Variants in GALNT13 observed in about 807,000 individuals in gnomAD.
The protein encoded by GALNT13 is polypeptide N-acetylgalactosaminyltransferase 13, also known as UDP-GalNAc:polypeptide N-acetylgalactosaminyltransferase 13.
In GALNT13, 28 loss-of-function variants were observed where a neutral mutation model predicts 64.2. That is an observed-to-expected ratio of 0.44 (90% CI 0.32 to 0.60). The LOEUF is 0.60. Ranked by LOEUF, GALNT13 falls within the 20% of genes least tolerant of loss-of-function variation. The probability of loss-of-function intolerance (pLI) is 0.05; values close to 1 mark genes in which losing one functional copy is unlikely to be tolerated. For synonymous variants in GALNT13, 214 were observed against 224.6 expected, an observed-to-expected ratio of 0.95 and a Z score of 0.42; for missense variants, 577 against 669.8, an observed-to-expected ratio of 0.86 and a Z score of 1.53.
the GALNT13 span, among the ~76,000 whole-genome samples, chr2:153,372,770 G>T: frequency 6.6e-6 from 1 of 152,108 alleles, no homozygotes; most frequent in Non-Finnish European, 1.5e-5. Context: ...GGAAGTAAAT[G>T]TTGCCTCTAT....
At chr2:153,594,425 C>G in the GALNT13 span, among the ~76,000 whole-genome samples, 45 of 152,232 alleles carry the variant, frequency 3.0e-4, no homozygotes, top group Non-Finnish European at 6.0e-4. Context: ...ACGATACTAT[C>G]TTCTGAGTTT....
chr2:153,864,529 G>T, the GALNT13 span, among the ~76,000 whole-genome samples: 16 of 152,104 alleles, frequency 1.1e-4, no homozygotes, highest in African/African-American at 3.9e-4. Flanking sequence ...CTGAGACTTT[G>T]CTGAAGTTGC....
chr2:154,192,530 A>T (rs1686652466), intron 4 of GALNT13, among the ~76,000 whole-genome samples: 1 of 152,088 alleles, frequency 6.6e-6, no homozygotes, highest in African/African-American at 2.4e-5. Flanking sequence ...ATATATATAT[A>T]TTTAACAGCA....
chr2:153,616,032 C>T, the GALNT13 span, among the ~76,000 whole-genome samples: 1 of 151,906 alleles, frequency 6.6e-6, no homozygotes. Flanking sequence ...GGAGATATTC[C>T]CCAGGGTTTT....
At chr2:153,855,412 C>A in the GALNT13 span, among the ~76,000 whole-genome samples, 7 of 152,136 alleles carry the variant, frequency 4.6e-5, no homozygotes, top group African/African-American at 1.7e-4. Flanking sequence ...AAAACAACAA[C>A]AAAAATGGGC....
the GALNT13 span, among the ~76,000 whole-genome samples, chr2:153,557,824 A>T: frequency 8.5e-5 from 13 of 152,202 alleles, no homozygotes; most frequent in Admixed American, 7.2e-4. Context: ...TGGTCTTTGT[A>T]CTTATAACCT....
At chr2:154,233,523 G>C (rs1201502532) in intron 4 of GALNT13, among the ~76,000 whole-genome samples, 1 of 152,154 alleles carries the variant, frequency 6.6e-6, no homozygotes, top group Non-Finnish European at 1.5e-5. Flanking sequence ...AAATGAAGTT[G>C]TTTATGACTT....
chr2:153,631,414 T>C, the GALNT13 span, among the ~76,000 whole-genome samples: 1 of 152,216 alleles, frequency 6.6e-6, no homozygotes, highest in South Asian at 2.1e-4. Context: ...TGAACTAGTT[T>C]ACAGTCCTAT....
At chr2:153,998,045 G>T (rs1695639705) in intron 3 of GALNT13, among the ~76,000 whole-genome samples, 1 of 152,228 alleles carries the variant, frequency 6.6e-6, no homozygotes, top group Admixed American at 6.5e-5. Flanking sequence ...GTCTATCATT[G>T]ATGGGCATTT....
intron 3 of GALNT13, among the ~76,000 whole-genome samples, chr2:153,953,202 A>T (rs1268681503): frequency 1.3e-5 from 2 of 152,174 alleles, no homozygotes; most frequent in African/African-American, 2.4e-5. Context: ...TCTTTGTCTT[A>T]TTCTGAACCT....
the GALNT13 span, among the ~76,000 whole-genome samples, chr2:153,336,559 T>C: frequency 1.1e-4 from 17 of 152,184 alleles, no homozygotes; most frequent in Admixed American, 2.0e-4. Flanking sequence ...CATTTGGAAC[T>C]TCTGTATTTA....
intron 3 of GALNT13, among the ~76,000 whole-genome samples, chr2:154,060,330 G>C (rs1700109933): frequency 6.6e-6 from 1 of 152,100 alleles, no homozygotes; most frequent in South Asian, 2.1e-4. Flanking sequence ...GGTACCTGGA[G>C]ATAGAGTTAT....
chr2:153,991,403 T>A (rs1453053795), intron 3 of GALNT13, among the ~76,000 whole-genome samples: 3 of 151,972 alleles, frequency 2.0e-5, no homozygotes, highest in African/African-American at 4.8e-5. Flanking sequence ...TATTATGAGA[T>A]GTGAGGCTGC....
intron 5 of GALNT13, 151 bp from the exon 6 acceptor site, chr2:154,242,547 T>C: frequency 3.3e-6 from 2 of 602,880 alleles, no homozygotes; most frequent in Middle Eastern, 4.4e-4. Flanking sequence ...AATTAACTAA[T>C]GAAATCTCTA....
chr2:153,547,466 G>A, the GALNT13 span, among the ~76,000 whole-genome samples: 3 of 152,184 alleles, frequency 2.0e-5, no homozygotes, highest in African/African-American at 7.2e-5. Context: ...TGAGAAATTG[G>A]AAGAGAAATC....
chr2:153,529,378 C>A, the GALNT13 span, among the ~76,000 whole-genome samples: 8 of 151,432 alleles, frequency 5.3e-5, no homozygotes, highest in Admixed American at 6.6e-5. Flanking sequence ...ATTAAAAACC[C>A]AAACAGGCCA....
chr2:153,218,876 G>C, the GALNT13 span, among the ~76,000 whole-genome samples: 6 of 152,162 alleles, frequency 3.9e-5, no homozygotes, highest in East Asian at 1.2e-3. Context: ...TTTTGGACTA[G>C]TTGGTTGACT....
chr2:153,471,523 G>A, the GALNT13 span, among the ~76,000 whole-genome samples: 1 of 151,982 alleles, frequency 6.6e-6, no homozygotes, highest in Admixed American at 6.6e-5. Context: ...CTTTTATTAA[G>A]CCCTCTAAAT....
At chr2:154,304,761 T>C (rs1346196931) in intron 9 of GALNT13, among the ~76,000 whole-genome samples, 1 of 152,212 alleles carries the variant, frequency 6.6e-6, no homozygotes, top group Non-Finnish European at 1.5e-5. Context: ...TTACAATAAA[T>C]AATATTTGGG....
Sources: allele counts gnomAD v4.1 joint callset (sites outside exome capture counted in the v4.1 genomes callset), GRCh38; gene constraint gnomAD v4.1.1; transcripts MANE v1.5; gene names NCBI Gene and HGNC (gene_info 2026-07-23, HGNC 2026-07-21).